KTN1: variants seen among roughly 807,000 people sequenced by gnomAD.
KTN1 encodes the protein kinectin 1, also known as kinectin.
Under a neutral mutation model 222.5 loss-of-function variants are expected in KTN1, and 130 were observed. The ratio of observed to expected loss-of-function variants is 0.58; its 90% CI spans 0.51 to 0.68. KTN1 has a LOEUF of 0.68. KTN1 is among the 30% of genes least tolerant of loss of function. KTN1 has a pLI of 0.00. For missense variants in KTN1, 1,508 were observed against 1,500.4 expected, an observed-to-expected ratio of 1.01 and a Z score of -0.08; for synonymous variants, 512 against 496.3, an observed-to-expected ratio of 1.03 and a Z score of -0.42.
chr14:55,627,679 T>A (rs1410850004), intron 5 of KTN1, among the ~76,000 whole-genome samples: 3 of 152,178 alleles, frequency 2.0e-5, no homozygotes, highest in African/African-American at 7.2e-5. Flanking sequence ...GTGTTCTCAT[T>A]GTTCAACTCC....
chr14:55,604,983 C>G (rs1010035427), intron 1 of KTN1, among the ~76,000 whole-genome samples: 4 of 152,114 alleles, frequency 2.6e-5, no homozygotes, highest in Non-Finnish European at 5.9e-5. Flanking sequence ...TCTAGCTGGT[C>G]GTCCCATATT....
At chr14:55,639,360 TGC>T in intron 13 of KTN1, 138 bp downstream of exon 13, 12 of 482,052 alleles carry the variant, frequency 2.5e-5, no homozygotes, top group South Asian at 1.1e-4. Flanking sequence ...GAGCAACTTT[TGC>T]TTTTTTTTTT....
chr14:55,628,271 C>T (rs965116755), intron 6 of KTN1, among the ~76,000 whole-genome samples: 2 of 152,162 alleles, frequency 1.3e-5, no homozygotes, highest in Non-Finnish European at 2.9e-5. Context: ...AACAAAAGCA[C>T]TCTGTACAGA....
Position 55,672,652 on chromosome 14 carries a change from C to A in KTN1, c.3554C>A (p.Ser1185Ter). 6.2e-7 allele frequency: 1 copy of A among 1,607,064 alleles called. No individual in the cohort carries two copies. Among genetic ancestry groups the A allele is most frequent in the South Asian group, 1.1e-5 (1 of 90,672 alleles). The change falls in exon 38 of 44, where the codon TCA becomes TAA. Residue 1185 changes from serine to a stop codon, truncating the protein, a stop_gained. Transcript: ENST00000395314. LOFTEE classifies it high-confidence loss of function. Reference protein sequence around the residue: ...IKQMQSSFTSSEQELERLRSE... With the variant: ...IKQMQSSFTS Reference sequence around the variant, plus strand: ...CAGATGCAGTCATCATTTACATCTTCAGAACAAGAGCTAGAGCGATTAAGA... The same window carrying A: ...CAGATGCAGTCATCATTTACATCTTAAGAACAAGAGCTAGAGCGATTAAGA...
chr14:55,655,859 G>A (rs1375831862), intron 28 of KTN1, among the ~76,000 whole-genome samples, 183 bp from the exon 29 acceptor site: 2 of 152,156 alleles, frequency 1.3e-5, no homozygotes, highest in Non-Finnish European at 2.9e-5. Context: ...GAAATGTTAA[G>A]TATGACTGAG....
chr14:55,641,975 AT>A (rs2041854076), intron 18 of KTN1, among the ~76,000 whole-genome samples: 1 of 152,208 alleles, frequency 6.6e-6, no homozygotes, highest in South Asian at 2.1e-4. Flanking sequence ...TTCCAGAAAA[AT>A]AAAAATGTGT....
intron 6 of KTN1, among the ~76,000 whole-genome samples, chr14:55,629,532 T>C (rs1272078798): frequency 6.6e-6 from 1 of 152,076 alleles, no homozygotes; most frequent in African/African-American, 2.4e-5. Flanking sequence ...CTTATCCCTA[T>C]TTTTTTCCCT....
intron 1 of KTN1, among the ~76,000 whole-genome samples, chr14:55,605,794 T>C (rs952926218): frequency 5.3e-5 from 8 of 152,236 alleles, no homozygotes; most frequent in Non-Finnish European, 1.0e-4. Context: ...ATCAACTACA[T>C]GATGGCTAAT....
chr14:55,639,128 A>G (rs1714329271), intron 12 of KTN1, 57 bp from the exon 13 acceptor site: 5 of 1,111,204 alleles, frequency 4.5e-6, no homozygotes, highest in African/African-American at 1.5e-5. Flanking sequence ...TGATTATTGT[A>G]TAGCTATAAA....
intron 25 of KTN1, 119 bp from the exon 26 acceptor site, chr14:55,652,731 T>C (rs1031739432): frequency 1.5e-6 from 1 of 649,566 alleles, no homozygotes; most frequent in African/African-American, 1.8e-5. Context: ...AGTTTTAGTT[T>C]AGTTCAATCA....
chr14:55,591,501 A>G (rs894177693), intron 1 of KTN1, among the ~76,000 whole-genome samples: 15 of 151,800 alleles, frequency 9.9e-5, no homozygotes, highest in African/African-American at 3.6e-4. Flanking sequence ...TTCCCTATAC[A>G]TGATAATGGC....
At chr14:55,580,981 AG>A in intron 1 of KTN1, among the ~76,000 whole-genome samples, 1 of 152,278 alleles carries the variant, frequency 6.6e-6, no homozygotes, top group South Asian at 2.1e-4. Flanking sequence ...AAGCAGCATG[AG>A]GGGGGACTTT....
chr14:55,624,053 C>T (rs895609888), intron 5 of KTN1, among the ~76,000 whole-genome samples: 3 of 152,126 alleles, frequency 2.0e-5, no homozygotes, highest in Non-Finnish European at 4.4e-5. Flanking sequence ...TGAAACTGTT[C>T]ACATTTTTCC....
At chr14:55,597,288 G>A (rs1045049432) in intron 1 of KTN1, among the ~76,000 whole-genome samples, 3 of 152,158 alleles carry the variant, frequency 2.0e-5, no homozygotes, top group Non-Finnish European at 4.4e-5. Context: ...TTCAGGGAAT[G>A]TTTTCTTAAG....
intron 43 of KTN1, chr14:55,681,159 CTA>C (rs1486652925): frequency 1.3e-5 from 2 of 156,426 alleles, no homozygotes; most frequent in African/African-American, 4.8e-5. Flanking sequence ...TTTCTTCCTG[CTA>C]TTTCAATGAA....
intron 34 of KTN1, 26 bp downstream of exon 34, chr14:55,667,356 A>G (rs2044904665): frequency 2.3e-6 from 3 of 1,319,884 alleles, no homozygotes; most frequent in African/African-American, 2.9e-5. Context: ...TATTTTTTTA[A>G]CATGATGACA....
chr14:55,662,785 G>A (rs2044288621), intron 32 of KTN1: 2 of 374,950 alleles, frequency 5.3e-6, no homozygotes, highest in Non-Finnish European at 5.6e-6. Context: ...TACATGAATT[G>A]CCACTTCTGT....
intron 1 of KTN1, among the ~76,000 whole-genome samples, chr14:55,599,526 G>C (rs1002604758): frequency 1.3e-5 from 2 of 151,924 alleles, no homozygotes; most frequent in East Asian, 3.9e-4. Context: ...GTGCAGTGGC[G>C]CAATCTTGGC....
chr14:55,641,218 T>C lies in KTN1; in HGVS notation c.2103+10T>C. The C allele has an allele frequency of 6.5e-7, 1 of 1,532,478 alleles. No homozygotes were observed. The allele number at this position is 1,532,478 out of a possible 1,614,324, so 94.9% of individuals were successfully genotyped here. A position where few individuals can be genotyped will look rare whatever the true frequency, so the allele number is the denominator to read the frequency against. ...AATGGAAGAATTTAAGGTGTGTGAT[T>C]AAGCTTGTACACTCAGGTTTCTTAG... On this transcript the variant is annotated intron_variant, in intron 17 of 43. Coordinates refer to ENST00000395314, the MANE Select transcript of KTN1 (RefSeq NM_001079521.2).
Sources: allele counts gnomAD v4.1 joint callset (sites outside exome capture counted in the v4.1 genomes callset), GRCh38; gene constraint gnomAD v4.1.1; transcripts MANE v1.5; gene names NCBI Gene and HGNC (gene_info 2026-07-23, HGNC 2026-07-21).